The following WASHC5 variants were observed in gnomAD, a reference collection of about 807,000 sequenced individuals.
WASHC5 encodes WASH complex subunit 5, also known as WASH complex subunit strumpellin.
Under a neutral mutation model 150.4 loss-of-function variants are expected in WASHC5, and 101 were observed. The ratio of observed to expected loss-of-function variants is 0.67; its 90% CI spans 0.57 to 0.79. The LOEUF (loss-of-function observed/expected upper bound fraction) is 0.79. Among genes scored for constraint, WASHC5 ranks in the 30% least tolerant of loss-of-function variants. The probability of loss-of-function intolerance (pLI) is 0.00; values close to 1 mark genes in which losing one functional copy is unlikely to be tolerated. For synonymous variants in WASHC5, 467 were observed against 491.2 expected (o/e 0.95, Z 0.65); for missense variants, 1,195 against 1,396.3 (o/e 0.86, Z 2.30).
chr8:125,054,425 C>T (rs1389554065), intron 17 of WASHC5, among the ~76,000 whole-genome samples: 2 of 152,110 alleles, frequency 1.3e-5, no homozygotes, highest in African/African-American at 4.8e-5. Flanking sequence ...ACCAAATCCA[C>T]AAAGTTGGTG....
In WASHC5 at chr8:125,044,051, G is replaced by A. The variant is rs780949103; in HGVS notation, c.2711C>T (p.Thr904Ile). The A allele has an allele frequency of 7.4e-6, 12 of 1,613,566 alleles. No individual in the cohort carries two copies. The Admixed American group carries it at 2.0e-4, about 27-fold the overall frequency. ...GAGGGTTTTTAAAGTGTCCTGAACAGTTCTGTCTCTCAGGATAATTTTCTG... is the reference window on the plus strand; with the variant it reads ...GAGGGTTTTTAAAGTGTCCTGAACAATTCTGTCTCTCAGGATAATTTTCTG... ...MFQKIILRDRTVQDTLKTLMN... is the reference protein window; with the variant it reads ...MFQKIILRDRIVQDTLKTLMN... Residue 904 changes from threonine (T) to isoleucine (I), a missense_variant, in exon 22 of 29, where the codon ACT (threonine) becomes ATT (isoleucine). Transcript: ENST00000318410.
intron 19 of WASHC5, among the ~76,000 whole-genome samples, chr8:125,048,530 T>C (rs1248289669): frequency 3.9e-5 from 6 of 152,128 alleles, no homozygotes; most frequent in Admixed American, 3.3e-4. Flanking sequence ...TTTTAAAAAA[T>C]TGAAAATAAC....
At chr8:125,085,345 A>G (rs1817389393) in intron 1 of WASHC5, among the ~76,000 whole-genome samples, 1 of 152,222 alleles carries the variant, frequency 6.6e-6, no homozygotes. Context: ...TCTAAAAAGA[A>G]TGACCTATTT....
At chr8:125,038,588 A>T (rs948121030) in intron 25 of WASHC5, among the ~76,000 whole-genome samples, 13 of 152,200 alleles carry the variant, frequency 8.5e-5, no homozygotes, top group Admixed American at 6.5e-5. Flanking sequence ...AATCTCTTAC[A>T]CGGAGGCAGC....
chr8:125,031,642 G>C (rs141816353), intron 27 of WASHC5, among the ~76,000 whole-genome samples: 1 of 149,710 alleles, frequency 6.7e-6, no homozygotes, highest in African/African-American at 2.4e-5. Flanking sequence ...TAGCCAGGCT[G>C]ACCCTTTAGG....
chr8:125,039,087 C>A, intron 24 of WASHC5, 128 bp from the exon 25 acceptor site: 1 of 1,035,020 alleles, frequency 9.7e-7, no homozygotes, highest in Non-Finnish European at 1.5e-6. Flanking sequence ...AGCTTGATCT[C>A]GCTAATTCTC....
In WASHC5 at chr8:125,075,048, C is replaced by A. The variant is rs763787485; in HGVS notation, c.928G>T (p.Ala310Ser). ...AGGGTATTATTTAAAGCAGTTTTTGCAGCTTTGTAAGGTTCCCAAGCATCT... is the reference window on the plus strand; with the variant it reads ...AGGGTATTATTTAAAGCAGTTTTTGAAGCTTTGTAAGGTTCCCAAGCATCT... ...LVDAWEPYKA[A>S]KTALNNTLDL... The change falls in exon 8 of 29, where the codon GCA (alanine) becomes TCA (serine). Residue 310 changes from alanine (A) to serine (S), a missense_variant. By Grantham distance (99) the Ala-to-Ser change is moderately conservative (BLOSUM62 1). Coordinates refer to ENST00000318410, the MANE Select transcript of WASHC5 (RefSeq NM_014846.4). 4 of 1,612,944 alleles carry A rather than the reference C, an allele frequency of 2.5e-6. No homozygotes were observed. Among genetic ancestry groups the A allele is most frequent in the Non-Finnish European group, 3.4e-6 (4 of 1,179,118 alleles).
chr8:125,053,837 G>A (rs1314668351), intron 17 of WASHC5, among the ~76,000 whole-genome samples: 1 of 152,106 alleles, frequency 6.6e-6, no homozygotes, highest in African/African-American at 2.4e-5. Flanking sequence ...AATTAAAAAA[G>A]CAATGAGATA....
At chr8:125,028,945 G>C (rs533496633) in intron 27 of WASHC5, among the ~76,000 whole-genome samples, 2 of 151,820 alleles carry the variant, frequency 1.3e-5, no homozygotes, top group Admixed American at 1.3e-4. Flanking sequence ...TTTACAACAC[G>C]ATCCCTGCTA....
At chr8:125,071,891 G>C (rs921298252) in intron 9 of WASHC5, among the ~76,000 whole-genome samples, 40 of 152,174 alleles carry the variant, frequency 2.6e-4, no homozygotes, top group African/African-American at 8.9e-4. Context: ...TAGGGGAAAA[G>C]TCTGTTTTCT....
Position 125,047,970 on chromosome 8 carries a change from C to G in WASHC5, c.2380-639G>C, listed in dbSNP as rs183275403. ...CAAGCAATCCTCCCACCTGAGCCTC[C>G]AAGTAGCTGGGACTACAGGCATGAG... is the stretch of plus-strand genomic sequence containing the variant. On this transcript the variant is annotated intron_variant, in intron 19 of 28. Coordinates refer to ENST00000318410, the MANE Select transcript of WASHC5 (RefSeq NM_014846.4). Among the ~76,000 whole-genome samples, 493 of 152,288 alleles carry G rather than the reference C, an allele frequency of 3.2e-3. 3 individuals carry two copies. Among genetic ancestry groups the G allele is most frequent in the Non-Finnish European group, 5.0e-3 (342 of 68,012 alleles).
In WASHC5 at chr8:125,074,981, C is replaced by T. The variant is rs768799400; in HGVS notation, c.978+17G>A. 12 of 1,443,042 alleles carry T rather than the reference C, an allele frequency of 8.3e-6. No individual in the cohort carries two copies. The South Asian group carries it at 1.3e-4, about 15-fold the overall frequency. 89.4% of individuals were successfully genotyped at this position (1,443,042 alleles called of 1,614,324 possible). A position where few individuals can be genotyped will look rare whatever the true frequency, so the allele number is the denominator to read the frequency against. On this transcript the variant is annotated intron_variant, in intron 8 of 28. Coordinates refer to ENST00000318410, the MANE Select transcript of WASHC5 (RefSeq NM_014846.4). Reference sequence around the variant, plus strand: ...AGGCCTGCAGTTATCAGAGAATGTCCCCAGATTAGAACCTACCTGTTCTCT... The same window carrying T: ...AGGCCTGCAGTTATCAGAGAATGTCTCCAGATTAGAACCTACCTGTTCTCT...
intron 17 of WASHC5, among the ~76,000 whole-genome samples, chr8:125,053,749 T>C (rs1816318020): frequency 6.6e-6 from 1 of 152,156 alleles, no homozygotes; most frequent in African/African-American, 2.4e-5. Flanking sequence ...ATTCTACTGA[T>C]GTCAGATATA....
chr8:125,089,409 C>CA (rs1240518282), intron 1 of WASHC5, among the ~76,000 whole-genome samples: 2 of 151,998 alleles, frequency 1.3e-5, no homozygotes, highest in Non-Finnish European at 2.9e-5. Context: ...AAAAAAATCG[C>CA]AAAAAAATCT....
chr8:125,026,515 G>C (rs1815383284), intron 28 of WASHC5, among the ~76,000 whole-genome samples: 1 of 151,858 alleles, frequency 6.6e-6, no homozygotes, highest in African/African-American at 2.4e-5. Context: ...ATACATATTT[G>C]CCTAAAATTT....
chr8:125,024,311 T>G lies in WASHC5; in HGVS notation c.*306A>C, dbSNP rs1412439489. ...TGAAAATCTGGAGTTGCACAAATAGTTCTTTAGAACATAAAACTAAATGGA... is the reference window on the plus strand; with the variant it reads ...TGAAAATCTGGAGTTGCACAAATAGGTCTTTAGAACATAAAACTAAATGGA... On this transcript the variant is annotated 3_prime_UTR_variant, in exon 29 of 29. Coordinates refer to ENST00000318410, the MANE Select transcript of WASHC5 (RefSeq NM_014846.4). The G allele has an allele frequency of 2.4e-6, 1 of 408,972 alleles. No individual in the cohort carries two copies. Among genetic ancestry groups the G allele is most frequent in the Non-Finnish European group, 4.5e-6 (1 of 222,058 alleles). 25.3% of individuals were successfully genotyped at this position (408,972 alleles called of 1,614,324 possible).
intron 1 of WASHC5, among the ~76,000 whole-genome samples, chr8:125,090,534 A>C (rs1218800203): frequency 2.0e-5 from 3 of 152,062 alleles, no homozygotes; most frequent in African/African-American, 7.2e-5. Context: ...ATCCCACTAT[A>C]TTTTCTTATT....
At chr8:125,040,070 T>C (rs886734277) in intron 23 of WASHC5, among the ~76,000 whole-genome samples, 172 bp from the exon 24 acceptor site, 5 of 152,200 alleles carry the variant, frequency 3.3e-5, no homozygotes, top group Admixed American at 6.5e-5. Context: ...CTGGATCTAA[T>C]GAAGCACCAG....
chr8:125,052,324 A>T (rs749356104), intron 17 of WASHC5, among the ~76,000 whole-genome samples: 1 of 152,166 alleles, frequency 6.6e-6, no homozygotes, highest in African/African-American at 2.4e-5. Flanking sequence ...CATTCTCACT[A>T]ATCTGTGGAA....
Sources: gnomAD v4.1 joint callset for allele counts (sites outside exome capture counted in the v4.1 genomes callset) on GRCh38, gnomAD v4.1.1 for gene constraint, MANE v1.5 for transcripts, NCBI Gene and HGNC (gene_info 2026-07-23, HGNC 2026-07-21) for gene names.